The following KCNQ2 variants were observed in gnomAD, a reference collection of about 807,000 sequenced individuals.
KCNQ2 encodes potassium voltage-gated channel subfamily KQT member 2.
A neutral mutation model predicts 84.8 loss-of-function variants in KCNQ2; 14 were observed. The observed-to-expected ratio is 0.17, with a 90% CI of 0.11 to 0.26. KCNQ2 has a LOEUF of 0.26. KCNQ2 is among the 10% of genes least tolerant of loss of function. KCNQ2 has a pLI of 1.00. For synonymous variants in KCNQ2, 599 were observed against 554.1 expected, an observed-to-expected ratio of 1.08 and a Z score of -1.14; for missense variants, 788 against 1,254.0, an observed-to-expected ratio of 0.63 and a Z score of 5.61.
chr20:63,411,080 C>T (rs1229923746), intron 15 of KCNQ2: 7 of 439,764 alleles, frequency 1.6e-5, no homozygotes, highest in African/African-American at 6.1e-5. Flanking sequence ...CCGGGGCTCT[C>T]GCCAGCTCCC....
intron 6 of KCNQ2, among the ~76,000 whole-genome samples, chr20:63,439,160 G>GCTGCC (rs971546461): frequency 1.8e-4 from 28 of 152,194 alleles, no homozygotes; most frequent in African/African-American, 5.1e-4. Context: ...CCGTGCACCA[G>GCTGCC]CTGCCCTGCC....
rs1432969800 is a variant in KCNQ2, at chr20:63,419,684, G to A, written c.1248-12C>T. On this transcript the variant is annotated splice_polypyrimidine_tract_variant and intron_variant, in intron 11 of 16. Transcript: ENST00000359125. ...ACGGGCTGCCTTTACTGGAAATGAG[G>A]AGAGCACAGTTAGTCCTGGGCGCCG... 3 of 1,608,466 alleles carry A rather than the reference G, an allele frequency of 1.9e-6. No homozygotes were observed. The highest frequency in any genetic ancestry group is 2.2e-5 in the East Asian group (1 of 44,666).
At chr20:63,412,193 C>A (rs1021191724) in intron 15 of KCNQ2, 1 of 301,550 alleles carries the variant, frequency 3.3e-6, no homozygotes, top group African/African-American at 2.2e-5. Flanking sequence ...AGACAGGCCG[C>A]GGCGGGGCAA....
At chr20:63,461,334 T>TCA (rs1334911394) in intron 1 of KCNQ2, among the ~76,000 whole-genome samples, 3 of 152,156 alleles carry the variant, frequency 2.0e-5, no homozygotes. Context: ...ATAAGCTGGC[T>TCA]CAGTGCTAAT....
At chr20:63,417,288 T>C (rs2080326802) in intron 12 of KCNQ2, among the ~76,000 whole-genome samples, 1 of 152,164 alleles carries the variant, frequency 6.6e-6, no homozygotes, top group Non-Finnish European at 1.5e-5. Context: ...TGGAATGTTC[T>C]CTCTTTCTCC....
intron 1 of KCNQ2, among the ~76,000 whole-genome samples, chr20:63,449,635 G>A (rs2081546260): frequency 6.6e-6 from 1 of 151,236 alleles, no homozygotes; most frequent in Non-Finnish European, 1.5e-5. Context: ...AGAGCCCCTG[G>A]GGAGCACCGC....
At chr20:63,423,839 G>A (rs2080546483) in intron 11 of KCNQ2, 2 of 412,308 alleles carry the variant, frequency 4.9e-6, no homozygotes, top group Admixed American at 8.1e-5. Context: ...GCCTGCAGCT[G>A]GAGGGAGCGC....
At chr20:63,431,219 G>T (rs2080776566) in intron 9 of KCNQ2, 121 bp downstream of exon 9, 1 of 1,141,282 alleles carries the variant, frequency 8.8e-7, no homozygotes, top group Non-Finnish European at 1.3e-6. Flanking sequence ...GGTGGGCAGG[G>T]ACAGTGGTCA....
At chr20:63,435,955 T>G (rs1201454357) in intron 7 of KCNQ2, among the ~76,000 whole-genome samples, 1 of 149,924 alleles carries the variant, frequency 6.7e-6, no homozygotes, top group East Asian at 2.0e-4. Context: ...TTCTTCTAAT[T>G]CCCAAATACA....
chr20:63,471,050 A>G (rs869021), intron 1 of KCNQ2: 54,702 of 152,232 alleles, frequency 0.36, 10,259 homozygotes, highest in East Asian at 0.64. Flanking sequence ...AGGGTCTGCT[A>G]AGGGCACACT....
intron 15 of KCNQ2, among the ~76,000 whole-genome samples, chr20:63,412,418 G>A (rs2080147788): frequency 1.3e-5 from 2 of 152,308 alleles, no homozygotes; most frequent in Non-Finnish European, 1.5e-5. Flanking sequence ...ACACGCACAC[G>A]CAGCCAGGGT....
At position 63,415,331 on chromosome 20, in the gene KCNQ2, G is replaced by A. The variant is rs199705502; in HGVS notation, c.1302-205C>T. Among the ~76,000 whole-genome samples, 2,242 of 130,026 alleles carry A rather than the reference G, an allele frequency of 0.017. 127 individuals carry two copies. Among genetic ancestry groups the A allele is most frequent in the South Asian group, 0.083 (314 of 3,800 alleles). The allele number at this position is 130,026 out of a possible 152,430, so 85.3% of individuals were successfully genotyped here. On this transcript the variant is annotated intron_variant, in intron 12 of 16. Transcript: ENST00000359125. ...GCGGGAGGGAGGGAGGGGAGGCCAC[G>A]GGGACCGAGCACCCGGTGGGAGGGA...
intron 2 of KCNQ2, 176 bp from the exon 3 acceptor site, chr20:63,445,540 G>T: frequency 1.6e-6 from 1 of 644,052 alleles, no homozygotes; most frequent in Non-Finnish European, 2.7e-6. Context: ...AGGAAGGGTT[G>T]GGCCCTCTGG....
chr20:63,405,505 GCA>G lies in KCNQ2; in HGVS notation c.*1137_*1138del, dbSNP rs1286941803. ...AGGGGGCAGGAGAGCTAGGGAGGGC[GCA>G]CAGCTGGGCTGAGGTGGGAGTGGTT... On this transcript the variant is annotated 3_prime_UTR_variant, in exon 17 of 17. Transcript: ENST00000359125. 6.6e-6 allele frequency: 1 copy of G among 152,508 alleles called. No homozygotes were observed. Among genetic ancestry groups the G allele is most frequent in the Non-Finnish European group, 1.5e-5 (1 of 68,248 alleles). 9.4% of individuals were successfully genotyped at this position (152,508 alleles called of 1,614,324 possible).
chr20:63,470,309 C>T (rs150083234), intron 1 of KCNQ2, among the ~76,000 whole-genome samples: 2 of 151,866 alleles, frequency 1.3e-5, no homozygotes, highest in African/African-American at 2.4e-5. Context: ...GGCTGGAAGG[C>T]GGGGCTGTTC....
chr20:63,428,949 G>A (rs1041480328), intron 9 of KCNQ2, among the ~76,000 whole-genome samples: 1 of 152,062 alleles, frequency 6.6e-6, no homozygotes, highest in South Asian at 2.1e-4. Flanking sequence ...TCTATAGGAT[G>A]AGCCCAGCCT....
intron 5 of KCNQ2, among the ~76,000 whole-genome samples, chr20:63,440,062 CA>C (rs1413601466): frequency 2.0e-5 from 3 of 152,220 alleles, no homozygotes; most frequent in Non-Finnish European, 2.9e-5. Context: ...AGGGAGTGCC[CA>C]GAGGGACCCA....
intron 7 of KCNQ2, among the ~76,000 whole-genome samples, chr20:63,436,347 C>T (rs186613499): frequency 3.4e-4 from 51 of 152,208 alleles, no homozygotes; most frequent in East Asian, 1.4e-3. Context: ...CTGGCTAACA[C>T]GGTGAAACCC....
rs2079999394 is a variant in KCNQ2, at chr20:63,407,937, G to A, written c.1887+476C>T. On this transcript the variant is annotated intron_variant, in intron 16 of 16. Transcript: ENST00000359125. The surrounding 1 kb of genome is among the most constrained non-coding windows in gnomAD (Gnocchi z 7.2). Reference sequence around the variant, plus strand: ...CCACCGTGGAACCCCCTTCAGGAAAGCCCCACAGGGCAGGACCTGGCAGTT... The same window carrying A: ...CCACCGTGGAACCCCCTTCAGGAAAACCCCACAGGGCAGGACCTGGCAGTT... 1 of 216,608 alleles carries A rather than the reference G, an allele frequency of 4.6e-6. No individual in the cohort carries two copies. Among genetic ancestry groups the A allele is most frequent in the Admixed American group, 5.2e-5 (1 of 19,078 alleles). The allele number at this position is 216,608 out of a possible 1,614,324, so 13.4% of individuals were successfully genotyped here.
Sources: allele counts gnomAD v4.1 joint callset (sites outside exome capture counted in the v4.1 genomes callset), GRCh38; gene constraint gnomAD v4.1.1; non-coding constraint Gnocchi (gnomAD v3.1); transcripts MANE v1.5; gene names NCBI Gene and HGNC (gene_info 2026-07-23, HGNC 2026-07-21).